Variants in DOT1L observed in about 807,000 individuals in gnomAD.
DOT1L encodes histone-lysine N-methyltransferase, H3 lysine-79 specific.
Under a neutral mutation model 153.3 loss-of-function variants are expected in DOT1L, and 33 were observed. The observed-to-expected ratio is 0.22, with a 90% confidence interval of 0.16 to 0.29. The LOEUF is 0.29. DOT1L is among the 10% of genes least tolerant of loss of function. The probability of loss-of-function intolerance (pLI) is 1.00; values close to 1 mark genes in which losing one functional copy is unlikely to be tolerated. For missense variants in DOT1L, 1,847 were observed against 2,119.9 expected (o/e 0.87, Z 2.53); for synonymous variants, 1,135 against 965.1 (o/e 1.18, Z -3.26).
In DOT1L at chr19:2,220,026, C is replaced by T; in HGVS notation, c.2692-82C>T. 1.5e-6 allele frequency: 2 copies of T among 1,337,048 alleles called. No homozygotes were observed. Among genetic ancestry groups the T allele is most frequent in the Admixed American group, 2.0e-5 (1 of 49,398 alleles). 82.8% of individuals were successfully genotyped at this position (1,337,048 alleles called of 1,614,324 possible). ...CGGCCTCCCCCAGCCAGCTGCAGGCCTCAACACTCACTGTTTCCAGCTGGG... is the reference window on the plus strand; with the variant it reads ...CGGCCTCCCCCAGCCAGCTGCAGGCTTCAACACTCACTGTTTCCAGCTGGG... On this transcript the variant is annotated intron_variant, in intron 22 of 27. Coordinates refer to ENST00000398665, the MANE Select transcript of DOT1L (RefSeq NM_032482.3). This position sits in a 1 kb window ranked among gnomAD's most constrained non-coding sequence, Gnocchi z 4.5.
At chr19:2,179,479 G>A (rs2022122430) in intron 1 of DOT1L, among the ~76,000 whole-genome samples, 1 of 152,124 alleles carries the variant, frequency 6.6e-6, no homozygotes, top group Non-Finnish European at 1.5e-5. Context: ...TTTACCTATT[G>A]GGGATTTAAA....
rs147921742 is a variant in DOT1L, at chr19:2,204,356, CTG to C, written c.787+1590_787+1591del. ...GTGCCTTGGGAGTTTGTTTGCATATCTGTGTGTGTGTGTGCGTGTGGCAGTGG... is the reference window on the plus strand; with the variant it reads ...GTGCCTTGGGAGTTTGTTTGCATATCTGTGTGTGTGTGCGTGTGGCAGTGG... On this transcript the variant is annotated intron_variant, in intron 9 of 27. Transcript: ENST00000398665. This position sits in a 1 kb window ranked among gnomAD's most constrained non-coding sequence, Gnocchi z 5.7. Among the ~76,000 whole-genome samples the C allele has an allele frequency of 1.3e-5, 2 of 151,752 alleles. No homozygotes were observed. Among genetic ancestry groups the C allele is most frequent in the African/African-American group, 2.4e-5 (1 of 41,402 alleles).
intron 2 of DOT1L, among the ~76,000 whole-genome samples, chr19:2,185,020 GGTTTA>G (rs1442531017): frequency 6.6e-6 from 1 of 152,118 alleles, no homozygotes; most frequent in Non-Finnish European, 1.5e-5. Context: ...AGTTTCTGTA[GGTTTA>G]GTGTTTGTCT....
At chr19:2,168,705 C>A (rs1433775708) in intron 1 of DOT1L, among the ~76,000 whole-genome samples, 1 of 151,222 alleles carries the variant, frequency 6.6e-6, no homozygotes, top group Admixed American at 6.6e-5. Flanking sequence ...ACATCTGCCT[C>A]CTGGGTTCAA....
intron 7 of DOT1L, among the ~76,000 whole-genome samples, chr19:2,196,857 G>A (rs946613768): frequency 4.6e-5 from 7 of 152,210 alleles, no homozygotes; most frequent in Non-Finnish European, 8.8e-5. Context: ...TTAGCGGCGG[G>A]CTCGTGTGGA....
intron 8 of DOT1L, among the ~76,000 whole-genome samples, chr19:2,200,387 T>C (rs2023202627): frequency 6.6e-6 from 1 of 152,190 alleles, no homozygotes; most frequent in Admixed American, 6.5e-5. Flanking sequence ...TGCCTGGGCT[T>C]GCCCCTCCGC....
At chr19:2,196,185 C>T (rs965315594) in intron 7 of DOT1L, among the ~76,000 whole-genome samples, 5 of 152,258 alleles carry the variant, frequency 3.3e-5, no homozygotes, top group Non-Finnish European at 5.9e-5. Context: ...AAGTGAAGGC[C>T]GGTGTCAGGG....
chr19:2,209,097 GGGCCC>G, intron 12 of DOT1L, 121 bp downstream of exon 12: 1 of 1,143,872 alleles, frequency 8.7e-7, no homozygotes, highest in South Asian at 1.5e-5. Flanking sequence ...CCGCCCCTCG[GGGCCC>G]GGCCCTGTGC....
intron 1 of DOT1L, among the ~76,000 whole-genome samples, chr19:2,174,397 C>T (rs1275802008): frequency 6.6e-6 from 1 of 152,164 alleles, no homozygotes; most frequent in Non-Finnish European, 1.5e-5. Context: ...TCTAAAAATG[C>T]TCTGTCAGGT....
At position 2,229,896 on chromosome 19, in the gene DOT1L, G is replaced by A. The variant is rs2024524555; in HGVS notation, c.*104G>A. 1 of 1,604,790 alleles carries A rather than the reference G, an allele frequency of 6.2e-7. No homozygotes were observed. Among genetic ancestry groups the A allele is most frequent in the African/African-American group, 1.3e-5 (1 of 74,832 alleles). On this transcript the variant is annotated 3_prime_UTR_variant, in exon 28 of 28. Coordinates refer to ENST00000398665, the MANE Select transcript of DOT1L (RefSeq NM_032482.3). ...GCCGGGCTCCCACCCCTGGACGGCA[G>A]AGGCAAGGACGGACGGGAGCTCCAC...
chr19:2,187,151 T>A (rs546242129), intron 3 of DOT1L, among the ~76,000 whole-genome samples: 1 of 152,314 alleles, frequency 6.6e-6, no homozygotes, highest in African/African-American at 2.4e-5. Flanking sequence ...GTCGCTTCCT[T>A]ACAACAGAAG....
chr19:2,228,251 C>T (rs772068758), intron 27 of DOT1L: 1 of 1,362,190 alleles, frequency 7.3e-7, no homozygotes, highest in East Asian at 4.6e-5. Flanking sequence ...CGCCCGGGAT[C>T]CCACAGGCCA....
At chr19:2,229,660 A>C in intron 27 of DOT1L, 125 bp from the exon 28 acceptor site, 1 of 1,596,954 alleles carries the variant, frequency 6.3e-7, no homozygotes, top group Non-Finnish European at 8.5e-7. Context: ...TATGCCTGTC[A>C]TGGTGCTGGC....
At chr19:2,229,007 C>T (rs1352631917) in intron 27 of DOT1L, 2 of 985,430 alleles carry the variant, frequency 2.0e-6, no homozygotes, top group East Asian at 1.1e-4. Flanking sequence ...TTGAGGCCCC[C>T]TTGCTGGACA....
At chr19:2,164,636 C>T (rs1479303873) in intron 1 of DOT1L, among the ~76,000 whole-genome samples, 1 of 151,956 alleles carries the variant, frequency 6.6e-6, no homozygotes, top group African/African-American at 2.4e-5. Flanking sequence ...TGTCCGCCGC[C>T]TTATTTTTCT....
rs770504342 is a variant in DOT1L, at chr19:2,226,884, G to C, written c.4363G>C (p.Ala1455Pro). 2.5e-5 allele frequency: 39 copies of C among 1,574,794 alleles called. No homozygotes were observed. In the Admixed American group the frequency reaches 6.5e-4, roughly 26 times the overall value. The change falls in exon 27 of 28, where the codon GCG (alanine) becomes CCG (proline). Residue 1455 changes from alanine to proline, a missense_variant. This residue lies in a region of DOT1L where 934 missense variants were observed against 825.3 expected (regional missense o/e 1.13). Coordinates refer to ENST00000398665, the MANE Select transcript of DOT1L (RefSeq NM_032482.3). ...APAASSAGGA[A>P]SSAQTHRSFL... Reference sequence around the variant, plus strand: ...GGCGGCGTCCTCCGCAGGCGGCGCGGCGTCCTCCGCCCAGACGCACCGGTC... The same window carrying C: ...GGCGGCGTCCTCCGCAGGCGGCGCGCCGTCCTCCGCCCAGACGCACCGGTC...
intron 2 of DOT1L, among the ~76,000 whole-genome samples, chr19:2,184,286 A>G (rs551974772): frequency 6.6e-6 from 1 of 152,170 alleles, no homozygotes; most frequent in African/African-American, 2.4e-5. Context: ...CCAGGTGTGC[A>G]GGCGTTGACC....
rs2023940233 is a variant in DOT1L, at chr19:2,217,183, C to CT, written c.2544+95dup. The CT allele has an allele frequency of 2.8e-6, 4 of 1,446,530 alleles. No homozygotes were observed. Among genetic ancestry groups the CT allele is most frequent in the Non-Finnish European group, 3.6e-6 (4 of 1,100,396 alleles). 89.6% of individuals were successfully genotyped at this position (1,446,530 alleles called of 1,614,324 possible). A position where few individuals can be genotyped will look rare whatever the true frequency, so the allele number is the denominator to read the frequency against. On this transcript the variant is annotated intron_variant, in intron 21 of 27. Coordinates refer to ENST00000398665, the MANE Select transcript of DOT1L (RefSeq NM_032482.3). This position sits in a 1 kb window ranked among gnomAD's most constrained non-coding sequence, Gnocchi z 7.3. ...AGCAGGAGGGCTTGTCCTAGTTGAC[C>CT]TTGGGGCACGGTGAGGTACTGGGGC...
At chr19:2,227,338 G>A (rs1446306692) in intron 27 of DOT1L, 1 of 749,234 alleles carries the variant, frequency 1.3e-6, no homozygotes, top group Non-Finnish European at 2.4e-6. Context: ...TTCTCTGGTT[G>A]TAACCGCGTC....
Sources: allele counts gnomAD v4.1 joint callset (sites outside exome capture counted in the v4.1 genomes callset), GRCh38; gene constraint gnomAD v4.1.1; regional missense constraint gnomAD v4.1.1; non-coding constraint Gnocchi (gnomAD v3.1); transcripts MANE v1.5; gene names NCBI Gene and HGNC (gene_info 2026-07-23, HGNC 2026-07-21).